The following DOCK7 variants were observed in gnomAD, a reference collection of about 807,000 sequenced individuals.
DOCK7 encodes the protein dedicator of cytokinesis protein 7.
A neutral mutation model predicts 271.0 loss-of-function variants in DOCK7; 138 were observed. That is an observed-to-expected ratio of 0.51 (90% CI 0.44 to 0.59). The LOEUF (loss-of-function observed/expected upper bound fraction) is 0.59, where lower values mean the gene tolerates loss of function less well. Among genes scored for constraint, DOCK7 ranks in the 20% least tolerant of loss-of-function variants. The pLI, the probability that DOCK7 is intolerant of heterozygous loss-of-function variation, is 0.00. For missense variants in DOCK7, 2,066 were observed against 2,592.4 expected (o/e 0.80, Z 4.41); for synonymous variants, 823 against 876.1 (o/e 0.94, Z 1.07).
intron 7 of DOCK7, among the ~76,000 whole-genome samples, chr1:62,638,113 T>A (rs1159753786): frequency 6.6e-6 from 1 of 152,194 alleles, no homozygotes; most frequent in East Asian, 1.9e-4. Flanking sequence ...TTTTCATCTA[T>A]TCACTGACCA....
intron 18 of DOCK7, among the ~76,000 whole-genome samples, chr1:62,570,223 T>C (rs562393856): frequency 7.9e-5 from 12 of 152,184 alleles, no homozygotes; most frequent in Admixed American, 2.0e-4. Context: ...ACAAAATCAA[T>C]GTGCAAAAAT....
rs568240772 is a variant in DOCK7 at position 62,662,755 on chromosome 1, G to A, written c.144+270C>T. 1.5e-3 allele frequency among the ~76,000 whole-genome samples: 231 copies of A among 151,706 alleles called. 2 individuals are homozygous for A. Among genetic ancestry groups the A allele is most frequent in the African/African-American group, 4.9e-3 (201 of 41,360 alleles). On this transcript the variant is annotated intron_variant, in intron 2 of 49. Transcript: ENST00000635253. ...CAGCCTGGGCGACAGAGTGAGACTC[G>A]GTCTCAAAAAAAGAAGAAAAAAAAG...
At chr1:62,612,734 A>C (rs1289330528) in intron 14 of DOCK7, among the ~76,000 whole-genome samples, 1 of 152,202 alleles carries the variant, frequency 6.6e-6, no homozygotes, top group African/African-American at 2.4e-5. Context: ...TTCCTAACAG[A>C]CCAAAATCCT....
At chr1:62,563,103 CT>C (rs1371664919) in intron 18 of DOCK7, among the ~76,000 whole-genome samples, 1 of 152,150 alleles carries the variant, frequency 6.6e-6, no homozygotes, top group Non-Finnish European at 1.5e-5. Context: ...AGGTGCCCCC[CT>C]CCCTCACAAC....
chr1:62,641,543 T>C (rs1656027426), intron 7 of DOCK7: 6 of 465,544 alleles, frequency 1.3e-5, no homozygotes, highest in South Asian at 9.2e-5. Flanking sequence ...GGTGTTCATC[T>C]ACTTGCAGAG....
chr1:62,584,690 C>A (rs1647289958), intron 15 of DOCK7: 1 of 1,297,278 alleles, frequency 7.7e-7, no homozygotes, highest in Non-Finnish European at 1.0e-6. Context: ...AAAAATGTGA[C>A]AGGAGTCAAG....
At chr1:62,616,284 G>C (rs1652424102) in intron 14 of DOCK7, among the ~76,000 whole-genome samples, 1 of 151,452 alleles carries the variant, frequency 6.6e-6, no homozygotes. Flanking sequence ...TAACATGTCT[G>C]GATTATCTAT....
chr1:62,688,314 C>T lies in DOCK7; in HGVS notation c.-50G>A. 1 of 1,165,306 alleles carries T rather than the reference C, an allele frequency of 8.6e-7. No homozygotes were observed. The highest frequency in any genetic ancestry group is 1.1e-6 in the Non-Finnish European group (1 of 936,612). 72.2% of individuals were successfully genotyped at this position (1,165,306 alleles called of 1,614,324 possible). On this transcript the variant is annotated 5_prime_UTR_variant, in exon 1 of 50. Transcript: ENST00000635253. ...GGCGGCGGCTGCGGCGGGCCGGGTG[C>T]GGACCGGCGGGCGCGTGCCTCCTCG...
chr1:62,482,182 T>C (rs1057443062), intron 43 of DOCK7: 1 of 152,216 alleles, frequency 6.6e-6, no homozygotes, highest in Admixed American at 6.5e-5. Flanking sequence ...TTAACCACTT[T>C]ACATGTATTA....
chr1:62,594,229 G>C (rs904016338), intron 14 of DOCK7, among the ~76,000 whole-genome samples: 1 of 152,048 alleles, frequency 6.6e-6, no homozygotes, highest in East Asian at 1.9e-4. Context: ...TACTCAGACA[G>C]GAAGTATTAA....
At chr1:62,628,530 A>C (rs1396005822) in intron 11 of DOCK7, 1 of 152,242 alleles carries the variant, frequency 6.6e-6, no homozygotes, top group Non-Finnish European at 1.5e-5. Context: ...ACCTCACAAC[A>C]TACAAATATT....
At chr1:62,647,208 C>T (rs1000898326) in intron 7 of DOCK7, among the ~76,000 whole-genome samples, 1 of 152,090 alleles carries the variant, frequency 6.6e-6, no homozygotes, top group Non-Finnish European at 1.5e-5. Flanking sequence ...CTTTGTAAAG[C>T]AGAATGTAAA....
intron 31 of DOCK7, among the ~76,000 whole-genome samples, chr1:62,520,244 G>C (rs1571381741): frequency 6.6e-6 from 1 of 152,162 alleles, no homozygotes; most frequent in African/African-American, 2.4e-5. Flanking sequence ...AGCCAAAATT[G>C]ACAAATGGGA....
At chr1:62,524,296 G>A (rs1644935901) in intron 31 of DOCK7, among the ~76,000 whole-genome samples, 1 of 152,114 alleles carries the variant, frequency 6.6e-6, no homozygotes, top group African/African-American at 2.4e-5. Flanking sequence ...TACGCCCTCT[G>A]GAAAATAGTT....
chr1:62,684,830 T>G (rs1661553249), intron 1 of DOCK7, among the ~76,000 whole-genome samples: 1 of 152,070 alleles, frequency 6.6e-6, no homozygotes, highest in Non-Finnish European at 1.5e-5. Flanking sequence ...TTAGTGATAA[T>G]AAGAATAAAG....
chr1:62,553,839 G>A (rs1315679684), intron 21 of DOCK7, among the ~76,000 whole-genome samples: 2 of 122,278 alleles, frequency 1.6e-5, no homozygotes, highest in African/African-American at 5.2e-5. Flanking sequence ...ACACAGACGT[G>A]TGCGTGCGTG....
intron 12 of DOCK7, among the ~76,000 whole-genome samples, chr1:62,622,333 GA>G (rs1364652240): frequency 6.6e-6 from 1 of 151,756 alleles, no homozygotes; most frequent in Non-Finnish European, 1.5e-5. Flanking sequence ...CTGTACCACT[GA>G]AAAAAATAGA....
At chr1:62,614,833 CTG>C (rs1652241917) in intron 14 of DOCK7, among the ~76,000 whole-genome samples, 1 of 151,898 alleles carries the variant, frequency 6.6e-6, no homozygotes, top group African/African-American at 2.4e-5. Flanking sequence ...TTCTTGGAAA[CTG>C]TGACTTTAAG....
chr1:62,472,902 C>A (rs1317307920), intron 48 of DOCK7, among the ~76,000 whole-genome samples: 6 of 152,204 alleles, frequency 3.9e-5, no homozygotes, highest in African/African-American at 1.4e-4. Flanking sequence ...ACATTTCACA[C>A]CTGCTGTCAC....
Sources: gnomAD v4.1 joint callset for allele counts (sites outside exome capture counted in the v4.1 genomes callset) on GRCh38, gnomAD v4.1.1 for gene constraint, MANE v1.5 for transcripts, NCBI Gene and HGNC (gene_info 2026-07-23, HGNC 2026-07-21) for gene names.